SNX29: variants seen among roughly 807,000 people sequenced by gnomAD.
SNX29 encodes the protein sorting nexin 29.
Under a neutral mutation model 102.1 loss-of-function variants are expected in SNX29, and 78 were observed. The observed-to-expected ratio is 0.76, with a 90% CI of 0.64 to 0.92. The LOEUF (loss-of-function observed/expected upper bound fraction) is 0.92. Ranked by LOEUF, SNX29 falls within the 40% of genes least tolerant of loss-of-function variation. SNX29 has a pLI of 0.00. For missense variants in SNX29, 1,280 were observed against 1,061.7 expected (o/e 1.21, Z -2.86); for synonymous variants, 580 against 414.5 (o/e 1.40, Z -4.85).
intron 20 of SNX29, among the ~76,000 whole-genome samples, chr16:12,538,002 AAT>A (rs2077153679): frequency 7.2e-6 from 1 of 139,458 alleles, no homozygotes; most frequent in Admixed American, 6.8e-5. Context: ...AAAAAAAAAA[AAT>A]TGTCTGCCAT....
At chr16:12,525,029 G>C (rs971425560) in intron 20 of SNX29, among the ~76,000 whole-genome samples, 188 bp downstream of exon 20, 1 of 152,166 alleles carries the variant, frequency 6.6e-6, no homozygotes, top group African/African-American at 2.4e-5. Context: ...GCTTCTAAAG[G>C]GATGGGAAGA....
intron 8 of SNX29, among the ~76,000 whole-genome samples, chr16:12,057,288 T>G (rs1484195556): frequency 1.3e-5 from 2 of 152,208 alleles, no homozygotes; most frequent in African/African-American, 4.8e-5. Flanking sequence ...CCATCATATT[T>G]GCGGAGACCT....
rs138519844 is a variant in SNX29, at chr16:12,321,657, C to T, written c.1783-34506C>T. ...CGCTGAGAGCTGGGCTGAAAGCGCACGCTGGAGTGAGTGTGTAAGTGGGCC... is the reference window on the plus strand; with the variant it reads ...CGCTGAGAGCTGGGCTGAAAGCGCATGCTGGAGTGAGTGTGTAAGTGGGCC... On this transcript the variant is annotated intron_variant, in intron 15 of 20. Transcript: ENST00000566228. Among the ~76,000 whole-genome samples, 581 of 152,204 alleles carry T rather than the reference C, an allele frequency of 3.8e-3. 4 individuals are homozygous for T. The highest frequency in any genetic ancestry group is 0.013 in the African/African-American group (551 of 41,550).
chr16:12,495,718 G>T (rs1425559083), intron 19 of SNX29, among the ~76,000 whole-genome samples: 2 of 152,218 alleles, frequency 1.3e-5, no homozygotes, highest in African/African-American at 4.8e-5. Flanking sequence ...GATGGGGTCA[G>T]TGTGGCTGGG....
chr16:12,143,655 G>C (rs774563518), intron 13 of SNX29, among the ~76,000 whole-genome samples: 1 of 152,202 alleles, frequency 6.6e-6, no homozygotes, highest in African/African-American at 2.4e-5. Flanking sequence ...TAAGTACTGA[G>C]TAACAGACAG....
At chr16:12,540,321 A>G (rs190473584) in intron 20 of SNX29, among the ~76,000 whole-genome samples, 113 of 152,264 alleles carry the variant, frequency 7.4e-4, no homozygotes, top group African/African-American at 2.6e-3. Context: ...TCTTGGGACC[A>G]CAGCTCTTAT....
At chr16:12,496,769 C>G (rs2088848872) in intron 19 of SNX29, among the ~76,000 whole-genome samples, 1 of 152,126 alleles carries the variant, frequency 6.6e-6, no homozygotes, top group Admixed American at 6.5e-5. Flanking sequence ...CCTCGGCCTT[C>G]TGATGGCTTT....
intron 14 of SNX29, among the ~76,000 whole-genome samples, chr16:12,267,784 A>G (rs901334434): frequency 6.6e-6 from 1 of 152,194 alleles, no homozygotes; most frequent in Non-Finnish European, 1.5e-5. Flanking sequence ...CAGCCTCTGC[A>G]CTGCATATAC....
chr16:12,257,501 A>ATCTCTCTC (rs111505982), intron 14 of SNX29, among the ~76,000 whole-genome samples: 20 of 149,872 alleles, frequency 1.3e-4, no homozygotes, highest in African/African-American at 2.7e-4. Flanking sequence ...TACCACTAGC[A>ATCTCTCTC]TCTCTCTCTC....
chr16:12,334,731 G>A lies in SNX29; in HGVS notation c.1783-21432G>A, dbSNP rs552084346. The stretch of plus-strand genomic sequence containing the variant: ...TGAGAAAATGGAAAGCTCCCACATA[G>A]GTGGGTGTGTTCACTTGGGGCTCAG... On this transcript the variant is annotated intron_variant, in intron 15 of 20. Coordinates refer to ENST00000566228, the MANE Select transcript of SNX29 (RefSeq NM_032167.5). 2.0e-5 allele frequency among the ~76,000 whole-genome samples: 3 copies of A among 152,190 alleles called. No individual in the cohort carries two copies. In the South Asian group the frequency reaches 6.2e-4, roughly 32 times the overall value.
At chr16:12,043,724 T>C (rs1190754335) in intron 5 of SNX29, among the ~76,000 whole-genome samples, 2 of 144,230 alleles carry the variant, frequency 1.4e-5, no homozygotes, top group African/African-American at 5.1e-5. Context: ...AAATTTTACA[T>C]TGGGGAAGGA....
rs372255366 is a variant in SNX29 at position 12,307,869 on chromosome 16, C to A, written c.1782+29833C>A. Among the ~76,000 whole-genome samples the A allele has an allele frequency of 7.2e-5, 11 of 152,340 alleles. No individual in the cohort carries two copies. In the East Asian group the frequency reaches 2.1e-3, roughly 29 times the overall value. On this transcript the variant is annotated intron_variant, in intron 15 of 20. Transcript: ENST00000566228. ...TGGTGACGTTCACTTCCCCAATGAC[C>A]CTGACCTTCTGAACTCCTGGCCCAC...
At chr16:12,238,187 T>G (rs2077994059) in intron 14 of SNX29, among the ~76,000 whole-genome samples, 2 of 152,088 alleles carry the variant, frequency 1.3e-5, no homozygotes, top group Admixed American at 6.5e-5. Flanking sequence ...ACATAAGATT[T>G]ATAACTGTAA....
At chr16:12,144,723 TG>T (rs1194999995) in intron 13 of SNX29, among the ~76,000 whole-genome samples, 1 of 152,216 alleles carries the variant, frequency 6.6e-6, no homozygotes, top group Admixed American at 6.5e-5. Context: ...GCTTGCTTTG[TG>T]GGTATTTATT....
intron 3 of SNX29, among the ~76,000 whole-genome samples, chr16:12,013,436 A>G (rs1211414897): frequency 7.4e-6 from 1 of 136,036 alleles, no homozygotes; most frequent in East Asian, 2.4e-4. Context: ...GCTTGAGGCC[A>G]GGAGTTCGAG....
At chr16:12,226,241 G>T (rs2142155026) in intron 14 of SNX29, among the ~76,000 whole-genome samples, 1 of 152,326 alleles carries the variant, frequency 6.6e-6, no homozygotes, top group East Asian at 1.9e-4. Context: ...CTGGGAGTTT[G>T]GGATGTCGTA....
chr16:12,196,945 T>C (rs1406124932), intron 13 of SNX29, among the ~76,000 whole-genome samples: 1 of 152,138 alleles, frequency 6.6e-6, no homozygotes, highest in Admixed American at 6.5e-5. Context: ...GGTGGAATCT[T>C]AACACAGTAT....
chr16:12,537,166 C>T (rs996375211), intron 20 of SNX29, among the ~76,000 whole-genome samples: 1 of 152,094 alleles, frequency 6.6e-6, no homozygotes, highest in Non-Finnish European at 1.5e-5. Flanking sequence ...ATCTTGTTAG[C>T]ATAAAGATGC....
rs890895 is a variant in SNX29, at chr16:12,569,929, G to C, written c.*1300G>C. On this transcript the variant is annotated 3_prime_UTR_variant, in exon 21 of 21. Coordinates refer to ENST00000566228, the MANE Select transcript of SNX29 (RefSeq NM_032167.5). ...GCAGAGACACAGCAGAACCTGAGGA[G>C]AAAAGCAGGTGGAAGGTGACGGTTA... is the stretch of plus-strand genomic sequence containing the variant. 0.96 allele frequency: 223,987 copies of C among 232,810 alleles called. 107,927 individuals are homozygous for C. The highest frequency in any genetic ancestry group is 0.98 in the Middle Eastern group (764 of 778). 14.4% of individuals were successfully genotyped at this position (232,810 alleles called of 1,614,324 possible).
Sources: gnomAD v4.1 joint callset for allele counts (sites outside exome capture counted in the v4.1 genomes callset) on GRCh38, gnomAD v4.1.1 for gene constraint, MANE v1.5 for transcripts, NCBI Gene and HGNC (gene_info 2026-07-23, HGNC 2026-07-21) for gene names.